The following CACNA1C variants were observed in gnomAD, a reference collection of about 807,000 sequenced individuals.
CACNA1C encodes calcium voltage-gated channel subunit alpha1 C.
Under a neutral mutation model 229.0 loss-of-function variants are expected in CACNA1C, and 30 were observed. The ratio of observed to expected loss-of-function variants is 0.13; its 90% CI spans 0.10 to 0.18. The LOEUF (loss-of-function observed/expected upper bound fraction) is 0.18, where lower values mean the gene tolerates loss of function less well. Ranked by LOEUF, CACNA1C falls within the 10% of genes least tolerant of loss-of-function variation. CACNA1C has a pLI of 1.00. For synonymous variants in CACNA1C, 1,114 were observed against 1,132.5 expected, an observed-to-expected ratio of 0.98 and a Z score of 0.33; for missense variants, 1,658 against 2,845.0, an observed-to-expected ratio of 0.58 and a Z score of 9.49.
At chr12:2,301,848 C>T (rs971334095) in intron 3 of CACNA1C, among the ~76,000 whole-genome samples, 1 of 152,182 alleles carries the variant, frequency 6.6e-6, no homozygotes, top group African/African-American at 2.4e-5. Flanking sequence ...CCTCAGATCC[C>T]AGGTCTGGTT....
At chr12:2,135,909 G>A (rs1233008364) in intron 3 of CACNA1C, among the ~76,000 whole-genome samples, 4 of 148,534 alleles carry the variant, frequency 2.7e-5, no homozygotes, top group South Asian at 2.1e-4. Flanking sequence ...CCCCAGCCTC[G>A]CTGCCGCCTT....
At chr12:2,079,037 C>G (rs1459131381) in intron 1 of CACNA1C, among the ~76,000 whole-genome samples, 2 of 150,304 alleles carry the variant, frequency 1.3e-5, no homozygotes, top group Non-Finnish European at 2.9e-5. Context: ...GGACAAAAAA[C>G]CAAACGCCAC....
At chr12:2,177,624 C>CT (rs2096704619) in intron 3 of CACNA1C, among the ~76,000 whole-genome samples, 8 of 110,110 alleles carry the variant, frequency 7.3e-5, no homozygotes, top group South Asian at 3.7e-4. Flanking sequence ...TTCCTTCCTT[C>CT]CTTCTCTCTC....
intron 13 of CACNA1C, among the ~76,000 whole-genome samples, chr12:2,572,341 CCT>C (rs2055250017): frequency 3.3e-5 from 4 of 120,704 alleles, no homozygotes; most frequent in African/African-American, 6.2e-5. Flanking sequence ...TTCTCTTCTT[CCT>C]CCTCCTCCTC....
intron 11 of CACNA1C, among the ~76,000 whole-genome samples, chr12:2,560,848 T>TAAAAAAAAAAAAAAAAAAAAAAAA (rs36012443): frequency 8.8e-6 from 1 of 113,096 alleles, no homozygotes; most frequent in African/African-American, 3.4e-5. Flanking sequence ...TTGGTTCTGG[T>TAAAAAAAAAAAAAAAAAAAAAAAA]AAAAAAAAAA....
intron 9 of CACNA1C, among the ~76,000 whole-genome samples, chr12:2,524,158 A>G (rs1258088289): frequency 6.6e-6 from 1 of 152,250 alleles, no homozygotes; most frequent in Non-Finnish European, 1.5e-5. Context: ...AAGTGGAATC[A>G]TTGGCCTCAA....
chr12:2,570,980 TG>T (rs756344459), intron 13 of CACNA1C, among the ~76,000 whole-genome samples: 15 of 152,184 alleles, frequency 9.9e-5, no homozygotes, highest in Non-Finnish European at 1.6e-4. Context: ...ACAGTGAAAG[TG>T]GTAGAAATCC....
At chr12:2,246,847 G>A (rs2073510818) in intron 3 of CACNA1C, among the ~76,000 whole-genome samples, 1 of 152,174 alleles carries the variant, frequency 6.6e-6, no homozygotes, top group African/African-American at 2.4e-5. Context: ...TCCAAGAACT[G>A]TAATCTCCTG....
chr12:2,000,145 A>G (rs2041861038), intron 1 of CACNA1C, among the ~76,000 whole-genome samples: 1 of 152,220 alleles, frequency 6.6e-6, no homozygotes, highest in Non-Finnish European at 1.5e-5. Flanking sequence ...CCTAAAGTTT[A>G]ACTGATTCAG....
chr12:2,239,775 G>A (rs2069074650), intron 3 of CACNA1C, among the ~76,000 whole-genome samples: 1 of 152,202 alleles, frequency 6.6e-6, no homozygotes, highest in African/African-American at 2.4e-5. Flanking sequence ...CTAAGGCTCA[G>A]CCATTGCGCC....
intron 3 of CACNA1C, among the ~76,000 whole-genome samples, chr12:2,321,488 T>C (rs2095996003): frequency 6.6e-6 from 1 of 152,118 alleles, no homozygotes. Context: ...GGTGGTTTGA[T>C]AAATATTGAG....
In CACNA1C at chr12:2,697,767, T is replaced by A. The variant is rs1447802836; in HGVS notation, c.*6568T>A. The A allele has an allele frequency of 6.6e-6, 1 of 152,516 alleles. No homozygotes were observed. The highest frequency in any genetic ancestry group is 2.4e-5 in the African/African-American group (1 of 41,430). 9.4% of individuals were successfully genotyped at this position (152,516 alleles called of 1,614,324 possible). A position where few individuals can be genotyped will look rare whatever the true frequency, so the allele number is the denominator to read the frequency against. On this transcript the variant is annotated 3_prime_UTR_variant, in exon 47 of 47. Transcript: ENST00000399655. ...CCTCGCCTGATGGGCCTTCTCACCC[T>A]CGAGAAAGGCCAGGGAATCTAGAAG...
intron 3 of CACNA1C, among the ~76,000 whole-genome samples, chr12:2,333,134 C>A (rs113652556): frequency 5.9e-5 from 9 of 152,302 alleles, no homozygotes; most frequent in African/African-American, 2.2e-4. Context: ...ATGGTGACAA[C>A]GTGGAGTGTG....
chr12:2,320,378 A>G (rs921986774), intron 3 of CACNA1C, among the ~76,000 whole-genome samples: 1 of 152,248 alleles, frequency 6.6e-6, no homozygotes, highest in African/African-American at 2.4e-5. Flanking sequence ...TAGCAAAAAT[A>G]AAAAGTAAGC....
chr12:2,622,820 A>G (rs1383816019), intron 29 of CACNA1C, among the ~76,000 whole-genome samples: 2 of 151,874 alleles, frequency 1.3e-5, no homozygotes, highest in African/African-American at 4.8e-5. Context: ...CGCCCCTACA[A>G]TGGTCAGGGC....
intron 3 of CACNA1C, among the ~76,000 whole-genome samples, chr12:2,340,743 G>A (rs571625003): frequency 2.6e-5 from 4 of 152,176 alleles, no homozygotes; most frequent in Non-Finnish European, 5.9e-5. Flanking sequence ...AGATCACGAG[G>A]TCAGGAGATC....
intron 3 of CACNA1C, among the ~76,000 whole-genome samples, chr12:2,407,779 T>C (rs1272987636): frequency 6.6e-6 from 1 of 152,272 alleles, no homozygotes; most frequent in African/African-American, 2.4e-5. Flanking sequence ...GGTATTGATT[T>C]GCATTTCCCT....
At chr12:2,011,169 AAAAG>A (rs2044368279) in intron 1 of CACNA1C, 9 of 151,612 alleles carry the variant, frequency 5.9e-5, no homozygotes, top group South Asian at 2.1e-4. Flanking sequence ...AAAAAAAAAA[AAAAG>A]AAAGGGAAAA....
intron 18 of CACNA1C, among the ~76,000 whole-genome samples, chr12:2,587,374 C>A (rs2062972189): frequency 6.6e-6 from 1 of 152,160 alleles, no homozygotes; most frequent in Admixed American, 6.5e-5. Flanking sequence ...CCTTAGAGCC[C>A]TGAGAAGAGC....
Sources: allele counts gnomAD v4.1 joint callset (sites outside exome capture counted in the v4.1 genomes callset), GRCh38; gene constraint gnomAD v4.1.1; transcripts MANE v1.5; gene names NCBI Gene and HGNC (gene_info 2026-07-23, HGNC 2026-07-21).